Variants in ACTR3C observed in about 807,000 individuals in gnomAD.
ACTR3C encodes actin related protein 3C.
ACTR3C carries 18 observed loss-of-function variants against 26.3 expected under a neutral mutation model. That is an observed-to-expected ratio of 0.68 (90% CI 0.47 to 1.01). The LOEUF (loss-of-function observed/expected upper bound fraction) is 1.01, where lower values mean the gene tolerates loss of function less well. Ranked by LOEUF, ACTR3C falls within the 50% of genes least tolerant of loss-of-function variation. The pLI is 0.00. For missense variants in ACTR3C, 184 were observed against 250.7 expected (o/e 0.73, Z 1.80); for synonymous variants, 55 against 94.5 (o/e 0.58, Z 2.42).
chr7:150,090,289 T>C, the ACTR3C span, among the ~76,000 whole-genome samples: 200 of 152,354 alleles, frequency 1.3e-3, no homozygotes, highest in African/African-American at 4.8e-3. Context: ...TGGAGAGTTT[T>C]CTGGACTGTT....
At chr7:149,986,396 T>C in the ACTR3C span, among the ~76,000 whole-genome samples, 1 of 152,246 alleles carries the variant, frequency 6.6e-6, no homozygotes, top group Non-Finnish European at 1.5e-5. Context: ...TTTAAAACTC[T>C]GGCTGTTATT....
chr7:149,929,837 C>G, the ACTR3C span, among the ~76,000 whole-genome samples: 60 of 152,258 alleles, frequency 3.9e-4, no homozygotes, highest in African/African-American at 1.3e-3. Context: ...AGCCAAATGA[C>G]TTATTAATTA....
chr7:150,137,553 C>G, the ACTR3C span, among the ~76,000 whole-genome samples: 2 of 152,182 alleles, frequency 1.3e-5, no homozygotes, highest in Non-Finnish European at 2.9e-5. Flanking sequence ...CCTTTTTACT[C>G]TCATTTTCTA....
downstream of ACTR3C, among the ~76,000 whole-genome samples, chr7:150,240,576 T>A (rs892446196): frequency 7.2e-5 from 11 of 151,852 alleles, no homozygotes; most frequent in Non-Finnish European, 1.5e-4. Flanking sequence ...CAACTTTTTT[T>A]AAAAAAAGAA....
In ACTR3C at chr7:150,286,445, A is replaced by G. The variant is rs1359491385; in HGVS notation, c.393T>C (p.Asn131=). ...TAACAAACTTCTTCTGGTTGATCGCATTGATACCCGTGTACTGTTTGATCC... is the reference window on the plus strand; with the variant it reads ...TAACAAACTTCTTCTGGTTGATCGCGTTGATACCCGTGTACTGTTTGATCC... ...QKWIKQYTGI[N]AINQKKFVID... is the part of the protein sequence containing the mutation. Residue 131 remains asparagine (N), a synonymous_variant, in exon 5 of 8, where the codon AAT becomes AAC. Transcript: ENST00000683684. 1.2e-6 allele frequency: 2 copies of G among 1,613,282 alleles called. No homozygotes were observed. The highest frequency in any genetic ancestry group is 3.3e-5 in the Admixed American group (2 of 60,000).
At chr7:149,886,406 G>T in the ACTR3C span, among the ~76,000 whole-genome samples, 1 of 152,292 alleles carries the variant, frequency 6.6e-6, no homozygotes, top group Non-Finnish European at 1.5e-5. Flanking sequence ...AGGACGGGGG[G>T]AGGAAGCAGA....
At chr7:149,904,418 T>C in the ACTR3C span, among the ~76,000 whole-genome samples, 1 of 151,154 alleles carries the variant, frequency 6.6e-6, no homozygotes, top group African/African-American at 2.4e-5. Context: ...TAGTCCCAAC[T>C]ACTCGGGAGG....
the ACTR3C span, among the ~76,000 whole-genome samples, chr7:150,038,152 A>T: frequency 7.0e-6 from 1 of 142,434 alleles, no homozygotes; most frequent in South Asian, 2.2e-4. Context: ...GCCATCACAA[A>T]ATGGGGGGCC....
chr7:150,172,062 G>A, the ACTR3C span, among the ~76,000 whole-genome samples: 22,117 of 150,316 alleles, frequency 0.15, 3,487 homozygotes, highest in African/African-American at 0.34. Context: ...CGCCCACCTC[G>A]GCCTCCTAAA....
intron 1 of ACTR3C, chr7:150,302,733 T>A (rs1469736744): frequency 6.6e-6 from 1 of 152,078 alleles, no homozygotes; most frequent in Non-Finnish European, 1.5e-5. Context: ...GGGGAAATGA[T>A]CTCTATGTGA....
chr7:150,169,172 G>A, the ACTR3C span, among the ~76,000 whole-genome samples: 1 of 150,114 alleles, frequency 6.7e-6, no homozygotes, highest in Non-Finnish European at 1.5e-5. Flanking sequence ...AGGAGGTCAG[G>A]AGATCAAGAC....
At chr7:150,130,861 C>T in the ACTR3C span, among the ~76,000 whole-genome samples, 1 of 152,128 alleles carries the variant, frequency 6.6e-6, no homozygotes, top group Non-Finnish European at 1.5e-5. Context: ...AGGTACTATA[C>T]TGAGAAGGAG....
At chr7:149,887,869 T>C in the ACTR3C span, among the ~76,000 whole-genome samples, 1 of 152,224 alleles carries the variant, frequency 6.6e-6, no homozygotes, top group African/African-American at 2.4e-5. Flanking sequence ...ATCTGTTGGA[T>C]TTATCAGGGA....
chr7:150,010,934 G>C, the ACTR3C span, among the ~76,000 whole-genome samples: 2 of 147,466 alleles, frequency 1.4e-5, no homozygotes, highest in African/African-American at 5.1e-5. Context: ...TATGGGTAAA[G>C]TCAGTCCTGT....
At chr7:150,184,034 G>C in the ACTR3C span, among the ~76,000 whole-genome samples, 1 of 150,800 alleles carries the variant, frequency 6.6e-6, no homozygotes, top group East Asian at 1.9e-4. Flanking sequence ...ATGTGGAACT[G>C]TGAGTCAATT....
the ACTR3C span, chr7:150,001,101 C>T: frequency 7.2e-5 from 11 of 152,174 alleles, no homozygotes; most frequent in Non-Finnish European, 4.4e-5. Context: ...CAGGAAAAAG[C>T]AGAACACCGG....
the ACTR3C span, among the ~76,000 whole-genome samples, chr7:149,983,075 C>T: frequency 2.0e-5 from 3 of 152,068 alleles, no homozygotes; most frequent in Non-Finnish European, 4.4e-5. Context: ...GATATCCATA[C>T]AAGAGAACTG....
the ACTR3C span, among the ~76,000 whole-genome samples, chr7:149,993,767 A>G: frequency 4.9e-4 from 75 of 152,230 alleles, no homozygotes; most frequent in African/African-American, 1.8e-3. Context: ...CACAGGCTCC[A>G]CAAGGCTAAC....
chr7:150,289,223 C>T (rs1173769051), intron 4 of ACTR3C, among the ~76,000 whole-genome samples: 1 of 151,884 alleles, frequency 6.6e-6, no homozygotes, highest in African/African-American at 2.4e-5. Flanking sequence ...TACGCTGTAC[C>T]AGCTACCAAG....
Sources: allele counts gnomAD v4.1 joint callset (sites outside exome capture counted in the v4.1 genomes callset), GRCh38; gene constraint gnomAD v4.1.1; transcripts MANE v1.5; gene names NCBI Gene and HGNC (gene_info 2026-07-23, HGNC 2026-07-21).